Variants in RYR2 observed in about 807,000 individuals in gnomAD.
RYR2 encodes cardiac muscle ryanodine receptor-calcium release channel.
A neutral mutation model predicts 601.1 loss-of-function variants in RYR2; 227 were observed. That is an observed-to-expected ratio of 0.38 (90% CI 0.34 to 0.42). The LOEUF (loss-of-function observed/expected upper bound fraction) is 0.42, where lower values mean the gene tolerates loss of function less well. Ranked by LOEUF, RYR2 falls within the 10% of genes least tolerant of loss-of-function variation. RYR2 has a pLI of 1.00. For missense variants in RYR2, 4,646 were observed against 6,156.5 expected, an observed-to-expected ratio of 0.75 and a Z score of 8.21; for synonymous variants, 2,223 against 2,175.1, an observed-to-expected ratio of 1.02 and a Z score of -0.61.
intron 1 of RYR2, among the ~76,000 whole-genome samples, chr1:237,154,741 C>G (rs1675117833): frequency 1.3e-5 from 2 of 152,160 alleles, no homozygotes; most frequent in African/African-American, 2.4e-5. Context: ...TTATAGACTT[C>G]ATTATATATA....
In RYR2 at chr1:237,550,821, G is replaced by A. The variant is rs572894548; in HGVS notation, c.3214+130G>A. 24 of 1,031,400 alleles carry A rather than the reference G, an allele frequency of 2.3e-5. 1 individual carries two copies. In the African/African-American group the frequency reaches 2.4e-4, roughly 11 times the overall value. 63.9% of individuals were successfully genotyped at this position (1,031,400 alleles called of 1,614,324 possible). ...TCTAGGTGTGGAATTTCAGCCAAGT[G>A]GATTTTCTTCCCTGAAAAACACCTG... On this transcript the variant is annotated intron_variant, in intron 27 of 104. Coordinates refer to ENST00000366574, the MANE Select transcript of RYR2 (RefSeq NM_001035.3).
intron 84 of RYR2, among the ~76,000 whole-genome samples, chr1:237,767,787 A>G (rs917617512): frequency 6.6e-6 from 1 of 152,198 alleles, no homozygotes; most frequent in East Asian, 1.9e-4. Flanking sequence ...TCACTATTTT[A>G]AAATATCTGT....
chr1:237,304,102 T>G (rs1326823758), intron 2 of RYR2, among the ~76,000 whole-genome samples: 1 of 152,208 alleles, frequency 6.6e-6, no homozygotes, highest in Non-Finnish European at 1.5e-5. Flanking sequence ...GGATGATTTC[T>G]GAGTGTGATA....
intron 27 of RYR2, among the ~76,000 whole-genome samples, chr1:237,559,050 A>C (rs987345791): frequency 1.3e-5 from 2 of 149,760 alleles, no homozygotes; most frequent in Non-Finnish European, 3.0e-5. Context: ...GCTGGAGTGC[A>C]ATGGCGTGAT....
intron 10 of RYR2, among the ~76,000 whole-genome samples, chr1:237,413,760 CATT>C (rs1332093377): frequency 6.6e-6 from 1 of 151,998 alleles, no homozygotes; most frequent in Non-Finnish European, 1.5e-5. Context: ...AACAGTATAT[CATT>C]GAGTTTCTTC....
intron 17 of RYR2, among the ~76,000 whole-genome samples, chr1:237,471,970 A>G (rs573663265): frequency 6.6e-6 from 1 of 152,356 alleles, no homozygotes; most frequent in South Asian, 2.1e-4. Flanking sequence ...GTTACTGCCA[A>G]GGTTAAAACT....
At chr1:237,626,293 C>T (rs1679638717) in intron 40 of RYR2, among the ~76,000 whole-genome samples, 1 of 152,104 alleles carries the variant, frequency 6.6e-6, no homozygotes, top group Non-Finnish European at 1.5e-5. Context: ...GTGCCTTGGG[C>T]ACAGCACTCT....
chr1:237,337,485 CATAGATT>C (rs1210672332), intron 3 of RYR2, among the ~76,000 whole-genome samples: 1 of 152,218 alleles, frequency 6.6e-6, no homozygotes, highest in East Asian at 1.9e-4. Context: ...GGTTAAAGCT[CATAGATT>C]ATAGTACAAA....
chr1:237,454,347 T>C (rs1658542307), intron 14 of RYR2, 44 bp from the exon 15 acceptor site: 6 of 1,539,406 alleles, frequency 3.9e-6, no homozygotes, highest in Middle Eastern at 3.5e-4. Context: ...AATGATAAAA[T>C]TGTGAATCAC....
At chr1:237,478,907 A>T (rs539728739) in intron 17 of RYR2, among the ~76,000 whole-genome samples, 1 of 152,276 alleles carries the variant, frequency 6.6e-6, no homozygotes, top group Admixed American at 6.5e-5. Context: ...TGTGCACTGT[A>T]TGTTATTTGA....
At chr1:237,316,984 C>A (rs554074748) in intron 2 of RYR2, among the ~76,000 whole-genome samples, 188 of 152,216 alleles carry the variant, frequency 1.2e-3, no homozygotes, top group Non-Finnish European at 1.1e-3. Context: ...GACTGGTAGG[C>A]ATTTTCTAAA....
At chr1:237,088,689 T>A (rs1228591146) in intron 1 of RYR2, among the ~76,000 whole-genome samples, 1 of 152,254 alleles carries the variant, frequency 6.6e-6, no homozygotes, top group Non-Finnish European at 1.5e-5. Flanking sequence ...TTTTATGTTG[T>A]AGAAAATATT....
At chr1:237,235,876 A>G (rs1463492019) in intron 1 of RYR2, among the ~76,000 whole-genome samples, 1 of 152,196 alleles carries the variant, frequency 6.6e-6, no homozygotes, top group African/African-American at 2.4e-5. Flanking sequence ...TGTGTCGTGC[A>G]TATGTATGTT....
At chr1:237,383,575 G>T (rs1344135827) in intron 8 of RYR2, among the ~76,000 whole-genome samples, 1 of 151,470 alleles carries the variant, frequency 6.6e-6, no homozygotes, top group Non-Finnish European at 1.5e-5. Context: ...GACTGTAGGT[G>T]CCTGCCACCA....
intron 100 of RYR2, among the ~76,000 whole-genome samples, chr1:237,814,932 C>T (rs1661627068): frequency 6.6e-6 from 1 of 151,434 alleles, no homozygotes; most frequent in Non-Finnish European, 1.5e-5. Context: ...ACCCTACTTT[C>T]CCAACAAATA....
At chr1:237,417,502 G>C (rs980929085) in intron 11 of RYR2, among the ~76,000 whole-genome samples, 1 of 152,292 alleles carries the variant, frequency 6.6e-6, no homozygotes, top group East Asian at 1.9e-4. Flanking sequence ...GCACATCTCA[G>C]ATCTGACAGA....
rs545772285 is a variant in RYR2, at chr1:237,104,949, C to T, written c.48+62380C>T. Among the ~76,000 whole-genome samples, 53 of 152,336 alleles carry T rather than the reference C, an allele frequency of 3.5e-4. 1 individual carries two copies. Among genetic ancestry groups the T allele is most frequent in the African/African-American group, 1.3e-3 (52 of 41,582 alleles). On this transcript the variant is annotated intron_variant, in intron 1 of 104. Transcript: ENST00000366574. Reference sequence around the variant, plus strand: ...ACATTCCCTTCTCCCTCGAGGTCTTCTCAACGGTCTGATGGTAATGCTGGG... The same window carrying T: ...ACATTCCCTTCTCCCTCGAGGTCTTTTCAACGGTCTGATGGTAATGCTGGG...
At chr1:237,472,163 G>A (rs17685275) in intron 17 of RYR2, among the ~76,000 whole-genome samples, 4,439 of 152,252 alleles carry the variant, frequency 0.029, 185 homozygotes, top group Admixed American at 0.12. Context: ...TAACAATGAT[G>A]AGATGCACAT....
chr1:237,770,261 C>CAAAG (rs1694167751), intron 84 of RYR2, among the ~76,000 whole-genome samples: 1 of 152,094 alleles, frequency 6.6e-6, no homozygotes, highest in Non-Finnish European at 1.5e-5. Context: ...CAGTAGTCAA[C>CAAAG]CTGATAACAA....
Sources: gnomAD v4.1 joint callset for allele counts (sites outside exome capture counted in the v4.1 genomes callset) on GRCh38, gnomAD v4.1.1 for gene constraint, MANE v1.5 for transcripts, NCBI Gene and HGNC (gene_info 2026-07-23, HGNC 2026-07-21) for gene names.